CNGA3: variants seen among roughly 807,000 people sequenced by gnomAD.
CNGA3 encodes cyclic nucleotide gated channel subunit alpha 3.
CNGA3 carries 42 observed loss-of-function variants against 46.6 expected under a neutral mutation model. The observed-to-expected ratio is 0.90, with a 90% confidence interval of 0.70 to 1.17. The LOEUF (loss-of-function observed/expected upper bound fraction) is 1.17, where lower values mean the gene tolerates loss of function less well. Among genes scored for constraint, CNGA3 ranks in the 50% most tolerant of loss-of-function variants. The probability of loss-of-function intolerance (pLI) is 0.00; values close to 1 mark genes in which losing one functional copy is unlikely to be tolerated. For synonymous variants in CNGA3, 394 were observed against 369.4 expected (o/e 1.07, Z -0.76); for missense variants, 893 against 890.7 (o/e 1.00, Z -0.03).
At chr2:98,395,789 T>A (rs1164583459) in intron 7 of CNGA3, 55 bp from the exon 8 acceptor site, 1 of 1,452,838 alleles carries the variant, frequency 6.9e-7, no homozygotes, top group African/African-American at 1.4e-5. Context: ...CTTTGTACTA[T>A]GGTCAAAAAA....
rs549504490 is a variant in CNGA3, at chr2:98,353,011, T to C, written c.-38+6477T>C. ...CAAAACTGATTTACTAATAGGCTTCTGTTGACCACAAGCCTCACCTATAAC... is the reference window on the plus strand; with the variant it reads ...CAAAACTGATTTACTAATAGGCTTCCGTTGACCACAAGCCTCACCTATAAC... On this transcript the variant is annotated intron_variant, in intron 1 of 7. Transcript: ENST00000272602. Among the ~76,000 whole-genome samples, 10 of 152,350 alleles carry C rather than the reference T, an allele frequency of 6.6e-5. No individual in the cohort carries two copies. In the South Asian group the frequency reaches 1.9e-3, roughly 28 times the overall value.
intron 5 of CNGA3, among the ~76,000 whole-genome samples, chr2:98,387,175 A>G (rs145974612): frequency 1.3e-5 from 2 of 152,356 alleles, no homozygotes; most frequent in Admixed American, 6.5e-5. Context: ...TTAAGTGGCC[A>G]TGTAGAATTC....
intron 1 of CNGA3, among the ~76,000 whole-genome samples, chr2:98,362,916 C>A (rs1051561271): frequency 2.0e-5 from 3 of 152,162 alleles, no homozygotes; most frequent in Admixed American, 6.5e-5. Flanking sequence ...GGAATCCTTT[C>A]CCCATTACTT....
intron 2 of CNGA3, among the ~76,000 whole-genome samples, chr2:98,376,696 T>C (rs1692412677): frequency 6.6e-6 from 1 of 152,176 alleles, no homozygotes; most frequent in Non-Finnish European, 1.5e-5. Context: ...GCCTCCTTGT[T>C]AAGAAGGCTA....
At chr2:98,371,088 G>C (rs982836583) in intron 2 of CNGA3, among the ~76,000 whole-genome samples, 2 of 152,142 alleles carry the variant, frequency 1.3e-5, no homozygotes, top group Admixed American at 6.5e-5. Context: ...GCCTCCCAAA[G>C]TGCTGGGATT....
In CNGA3 at chr2:98,369,013, G is replaced by A. The variant is rs552244256; in HGVS notation, c.-37-926G>A. Among the ~76,000 whole-genome samples the A allele has an allele frequency of 3.3e-5, 5 of 152,316 alleles. No homozygotes were observed. In the South Asian group the frequency reaches 8.3e-4, roughly 25 times the overall value. On this transcript the variant is annotated intron_variant, in intron 1 of 7. Transcript: ENST00000272602. ...TAACTGGGGAAGTTGCGAATCTTAC[G>A]ACCTCTGGAATAATGGCTGATAATA...
chr2:98,384,036 G>A (rs1008066855), intron 5 of CNGA3, among the ~76,000 whole-genome samples: 5 of 151,996 alleles, frequency 3.3e-5, no homozygotes, highest in East Asian at 1.9e-4. Flanking sequence ...ACAGGCGCCC[G>A]CCACCACACC....
intron 2 of CNGA3, 150 bp downstream of exon 2, chr2:98,370,226 T>C (rs757403351): frequency 8.6e-5 from 61 of 707,242 alleles, no homozygotes; most frequent in Non-Finnish European, 1.3e-4. Flanking sequence ...AACTTCATTT[T>C]TCATCTCACT....
At chr2:98,346,763 C>T (rs979967742) in intron 1 of CNGA3, among the ~76,000 whole-genome samples, 8 of 152,098 alleles carry the variant, frequency 5.3e-5, no homozygotes, top group Admixed American at 3.3e-4. Context: ...TCCCACTCCC[C>T]GGCTCCCATA....
intron 3 of CNGA3, chr2:98,378,371 T>C: frequency 2.3e-6 from 2 of 854,988 alleles, no homozygotes; most frequent in South Asian, 2.1e-5. Context: ...GAAATGCATC[T>C]AACAGTGCCT....
chr2:98,351,471 G>T (rs1423131837), intron 1 of CNGA3, among the ~76,000 whole-genome samples: 1 of 152,188 alleles, frequency 6.6e-6, no homozygotes, highest in Non-Finnish European at 1.5e-5. Context: ...ATCCATGTAA[G>T]ATGTGACTGG....
chr2:98,375,832 A>G (rs534039064), intron 2 of CNGA3, among the ~76,000 whole-genome samples: 1 of 152,194 alleles, frequency 6.6e-6, no homozygotes, highest in South Asian at 2.1e-4. Context: ...AATGGGATGG[A>G]ATAACATTGG....
intron 1 of CNGA3, among the ~76,000 whole-genome samples, chr2:98,359,736 G>C (rs1252948405): frequency 4.6e-5 from 7 of 152,178 alleles, no homozygotes; most frequent in Admixed American, 6.5e-5. Context: ...TGGACGCCCT[G>C]GCCACATCTC....
At chr2:98,352,660 G>C (rs1045666375) in intron 1 of CNGA3, among the ~76,000 whole-genome samples, 1 of 152,110 alleles carries the variant, frequency 6.6e-6, no homozygotes, top group African/African-American at 2.4e-5. Context: ...CCATGGACTG[G>C]GTAAAGCAGA....
rs140140503 is a variant in CNGA3 at position 98,396,397 on chromosome 2, A to C, written c.1227A>C (p.Ser409=). The change falls in exon 8 of 8, where the codon TCA becomes TCC. Residue 409 remains serine, a synonymous_variant. Coordinates refer to ENST00000272602, the MANE Select transcript of CNGA3 (RefSeq NM_001298.3). ...VGSMISNMNA[S]RAEFQAKIDS... is the part of the protein sequence containing the mutation. ...CCATGATCTCGAATATGAATGCCTC[A>C]CGGGCAGAGTTCCAGGCCAAGATTG... 6.2e-7 allele frequency: 1 copy of C among 1,613,946 alleles called. No homozygotes were observed. Among genetic ancestry groups the C allele is most frequent in the South Asian group, 1.1e-5 (1 of 91,076 alleles).
intron 3 of CNGA3, chr2:98,378,280 T>TC: frequency 6.8e-7 from 1 of 1,480,448 alleles, no homozygotes. Context: ...AAGCTCTGCT[T>TC]CCCCCTGATG....
chr2:98,373,256 A>G (rs1163209862), intron 2 of CNGA3, among the ~76,000 whole-genome samples: 1 of 152,166 alleles, frequency 6.6e-6, no homozygotes, highest in Non-Finnish European at 1.5e-5. Flanking sequence ...CCACGCAAAA[A>G]TTTTTAAGTT....
At chr2:98,387,454 T>C (rs1692677762) in intron 5 of CNGA3, among the ~76,000 whole-genome samples, 3 of 152,228 alleles carry the variant, frequency 2.0e-5, no homozygotes, top group African/African-American at 4.8e-5. Flanking sequence ...TCCGCAACCT[T>C]TGTTTCTTCA....
In CNGA3 at chr2:98,370,056, C is replaced by T. The variant is rs148593890; in HGVS notation, c.81C>T (p.Arg27=). Residue 27 remains arginine (R), a synonymous_variant, in exon 2 of 8, where the codon CGC becomes CGT. Transcript: ENST00000272602. ...KVKTSDRDLN[R]AENGLSRAHS... ...AGACCTCAGACCGAGATCTCAATCG[C>T]GCTGAAAATGGCCTCAGCAGGTAAG... The T allele has an allele frequency of 3.5e-4, 564 of 1,613,646 alleles. No homozygotes were observed. Among genetic ancestry groups the T allele is most frequent in the African/African-American group, 3.0e-3 (226 of 75,008 alleles).
Sources: allele counts gnomAD v4.1 joint callset (sites outside exome capture counted in the v4.1 genomes callset), GRCh38; gene constraint gnomAD v4.1.1; transcripts MANE v1.5; gene names NCBI Gene and HGNC (gene_info 2026-07-23, HGNC 2026-07-21).